Variants in ZC3H12C observed in about 807,000 individuals in gnomAD.
ZC3H12C encodes probable ribonuclease ZC3H12C.
In ZC3H12C, 20 loss-of-function variants were observed where a neutral mutation model predicts 76.3. That is an observed-to-expected ratio of 0.26 (90% CI 0.18 to 0.38). The LOEUF (loss-of-function observed/expected upper bound fraction) is 0.38, where lower values mean the gene tolerates loss of function less well. Among genes scored for constraint, ZC3H12C ranks in the 10% least tolerant of loss-of-function variants. The pLI is 1.00. For synonymous variants in ZC3H12C, 352 were observed against 399.6 expected, an observed-to-expected ratio of 0.88 and a Z score of 1.42; for missense variants, 874 against 1,086.5, an observed-to-expected ratio of 0.80 and a Z score of 2.75.
chr11:110,131,711 A>T (rs1014347266), intron 1 of ZC3H12C: 5 of 152,364 alleles, frequency 3.3e-5, no homozygotes, highest in African/African-American at 9.7e-5. Context: ...TCATTCCAAG[A>T]ACTATTTTCT....
rs751832152 is a variant in ZC3H12C at position 110,165,584 on chromosome 11, G to T, written c.2499G>T (p.Arg833Ser). 1 of 1,611,270 alleles carries T rather than the reference G, an allele frequency of 6.2e-7. No individual in the cohort carries two copies. The highest frequency in any genetic ancestry group is 8.5e-7 in the Non-Finnish European group (1 of 1,178,610). ...PYCGMPQDPPRYQDNREKIYI... is the reference protein window; with the variant it reads ...PYCGMPQDPPSYQDNREKIYI... ...GTGGAATGCCGCAAGATCCCCCGAG[G>T]TATCAAGACAACCGAGAAAAGATTT... The change falls in exon 6 of 6, where the codon AGG becomes AGT. Residue 833 changes from arginine (R) to serine (S), a missense_variant. Physicochemically the swap from Arg to Ser is moderately radical, Grantham distance 110 (BLOSUM62 -1). This residue lies in a region of ZC3H12C where 395 missense variants were observed against 434.4 expected (regional missense o/e 0.91). Coordinates refer to ENST00000278590, the MANE Select transcript of ZC3H12C (RefSeq NM_033390.2).
intron 2 of ZC3H12C, among the ~76,000 whole-genome samples, chr11:110,152,636 T>C (rs1012394787): frequency 2.0e-5 from 3 of 152,232 alleles, no homozygotes; most frequent in African/African-American, 4.8e-5. Context: ...CAAAAACAGC[T>C]TGTGTCTTTC....
chr11:110,102,177 C>T (rs1246453736), intron 1 of ZC3H12C, among the ~76,000 whole-genome samples: 1 of 150,400 alleles, frequency 6.6e-6, no homozygotes, highest in South Asian at 2.1e-4. Flanking sequence ...GTTAAGGTTA[C>T]AGCTGCCGTA....
At position 110,168,203 on chromosome 11, in the gene ZC3H12C, T is replaced by G. The variant is rs1475354968; in HGVS notation, c.*2466T>G. 6.6e-6 allele frequency: 1 copy of G among 152,156 alleles called. No homozygotes were observed. 9.4% of individuals were successfully genotyped at this position (152,156 alleles called of 1,614,324 possible). A position where few individuals can be genotyped will look rare whatever the true frequency, so the allele number is the denominator to read the frequency against. ...GATTTTAAATTATGGGAAAATAGTG[T>G]AGCCAGCTGCCACCTCTACTGAAGT... On this transcript the variant is annotated 3_prime_UTR_variant, in exon 6 of 6. Coordinates refer to ENST00000278590, the MANE Select transcript of ZC3H12C (RefSeq NM_033390.2).
chr11:110,158,481 G>T (rs1430192262), intron 3 of ZC3H12C, among the ~76,000 whole-genome samples: 1 of 151,814 alleles, frequency 6.6e-6, no homozygotes, highest in African/African-American at 2.4e-5. Context: ...CTGCACTCCA[G>T]CCTGGGCGAT....
intron 2 of ZC3H12C, among the ~76,000 whole-genome samples, chr11:110,147,095 G>A (rs1862184976): frequency 6.6e-6 from 1 of 152,166 alleles, no homozygotes; most frequent in South Asian, 2.1e-4. Flanking sequence ...TCCCTTACAA[G>A]AGGGGTTATC....
intron 1 of ZC3H12C, among the ~76,000 whole-genome samples, chr11:110,135,359 A>G (rs1159882568): frequency 1.3e-5 from 2 of 151,844 alleles, no homozygotes; most frequent in African/African-American, 2.4e-5. Flanking sequence ...GCATGGTGGC[A>G]CTCACCTGTA....
At chr11:110,109,936 A>AT (rs1291417655) in intron 1 of ZC3H12C, among the ~76,000 whole-genome samples, 1 of 152,138 alleles carries the variant, frequency 6.6e-6, no homozygotes, top group East Asian at 1.9e-4. Context: ...ATGAGAGTAT[A>AT]TTTCTATTTT....
intron 1 of ZC3H12C, among the ~76,000 whole-genome samples, chr11:110,125,173 A>G (rs1861717047): frequency 6.6e-6 from 1 of 152,194 alleles, no homozygotes; most frequent in South Asian, 2.1e-4. Context: ...GCCAAGCAAT[A>G]CATAAGTTCT....
chr11:110,101,795 A>G (rs551103193), intron 1 of ZC3H12C, among the ~76,000 whole-genome samples: 1 of 151,876 alleles, frequency 6.6e-6, no homozygotes, highest in Non-Finnish European at 1.5e-5. Flanking sequence ...TGTTCCACCC[A>G]CTTTGGCCTC....
Position 110,164,957 on chromosome 11 carries a change from T to C in ZC3H12C, c.1872T>C (p.Ser624=). ...DTDYRISSVA[S]DCSSEGSMSC... ...ATTATAGAATAAGTTCCGTAGCTTC[T>C]GACTGCAGCAGTGAAGGGAGCATGA... Residue 624 remains serine, a synonymous_variant, in exon 6 of 6, where the codon TCT becomes TCC. Coordinates refer to ENST00000278590, the MANE Select transcript of ZC3H12C (RefSeq NM_033390.2). This position sits in a 1 kb window ranked among gnomAD's most constrained non-coding sequence, Gnocchi z 5.7. 1 of 1,614,074 alleles carries C rather than the reference T, an allele frequency of 6.2e-7. No homozygotes were observed. The highest frequency in any genetic ancestry group is 8.5e-7 in the Non-Finnish European group (1 of 1,179,898).
At position 110,152,985 on chromosome 11, in the gene ZC3H12C, A is replaced by C; in HGVS notation, c.840A>C (p.Arg280Ser). 6.2e-7 allele frequency: 1 copy of C among 1,612,208 alleles called. No individual in the cohort carries two copies. The highest frequency in any genetic ancestry group is 8.5e-7 in the Non-Finnish European group (1 of 1,179,084). The change falls in exon 3 of 6, where the codon AGA (arginine) becomes AGC (serine). Residue 280 changes from arginine to serine, a missense_variant. Around this residue, in one of 3 missense-constraint regions of ZC3H12C, gnomAD observed 269 missense variants for 424.9 expected, o/e 0.63. Coordinates refer to ENST00000278590, the MANE Select transcript of ZC3H12C (RefSeq NM_033390.2). ...IKLAVDWFLERGHKDITVFVP... is the reference protein window; with the variant it reads ...IKLAVDWFLESGHKDITVFVP... ...TGGCAGTGGATTGGTTTTTGGAAAGAGGCCACAAAGACATTACAGTTTTTG... is the reference window on the plus strand; with the variant it reads ...TGGCAGTGGATTGGTTTTTGGAAAGCGGCCACAAAGACATTACAGTTTTTG...
At chr11:110,152,603 CT>C (rs1479139151) in intron 2 of ZC3H12C, among the ~76,000 whole-genome samples, 1 of 152,002 alleles carries the variant, frequency 6.6e-6, no homozygotes, top group African/African-American at 2.4e-5. Flanking sequence ...GAAGGAAGCC[CT>C]TTCTGTTTTC....
At chr11:110,141,085 AG>A in intron 2 of ZC3H12C, among the ~76,000 whole-genome samples, 1 of 152,334 alleles carries the variant, frequency 6.6e-6, no homozygotes, top group African/African-American at 2.4e-5. Context: ...TTTGCTTGAG[AG>A]TTTATACTCA....
intron 1 of ZC3H12C, among the ~76,000 whole-genome samples, chr11:110,125,076 TA>T (rs1242511071): frequency 6.6e-6 from 1 of 152,120 alleles, no homozygotes; most frequent in African/African-American, 2.4e-5. Flanking sequence ...TATGAGGTTT[TA>T]AGAATGCACT....
Position 110,165,343 on chromosome 11 carries a change from A to T in ZC3H12C, c.2258A>T (p.Asp753Val). The T allele has an allele frequency of 6.2e-7, 1 of 1,613,752 alleles. No individual in the cohort carries two copies. Among genetic ancestry groups the T allele is most frequent in the Non-Finnish European group, 8.5e-7 (1 of 1,179,828 alleles). Residue 753 changes from aspartate to valine, a missense_variant, in exon 6 of 6, where the codon GAC (aspartate) becomes GTC (valine). Asp to Val is a radical substitution (Grantham distance 152). This residue lies in a region of ZC3H12C where 395 missense variants were observed against 434.4 expected (regional missense o/e 0.91). Coordinates refer to ENST00000278590, the MANE Select transcript of ZC3H12C (RefSeq NM_033390.2). ...GCCACGAGAATAGACAGCATCTCTG[A>T]CTCTCGACTTTATGACAGTTCTCCT... ...LVATRIDSIS[D>V]SRLYDSSPSR...
At chr11:110,098,443 C>T (rs903711355) in intron 1 of ZC3H12C, among the ~76,000 whole-genome samples, 1 of 152,030 alleles carries the variant, frequency 6.6e-6, no homozygotes, top group African/African-American at 2.4e-5. Flanking sequence ...AAAAATTTTT[C>T]GATAAACTTA....
At chr11:110,109,464 T>C (rs1861390086) in intron 1 of ZC3H12C, among the ~76,000 whole-genome samples, 1 of 152,224 alleles carries the variant, frequency 6.6e-6, no homozygotes, top group African/African-American at 2.4e-5. Context: ...TGTTATATAT[T>C]TGTGGAGTTC....
rs1414718496 is a variant in ZC3H12C, at chr11:110,131,299, A to G, written c.22-5364A>G. 3 of 582,530 alleles carry G rather than the reference A, an allele frequency of 5.1e-6. No individual in the cohort carries two copies. The South Asian group carries it at 6.7e-5, about 13-fold the overall frequency. 36.1% of individuals were successfully genotyped at this position (582,530 alleles called of 1,614,324 possible). A position where few individuals can be genotyped will look rare whatever the true frequency, so the allele number is the denominator to read the frequency against. On this transcript the variant is annotated intron_variant, in intron 1 of 5. Coordinates refer to ENST00000278590, the MANE Select transcript of ZC3H12C (RefSeq NM_033390.2). ...GCAGATTTTTACACTTTTCTAGTCT[A>G]GAGTTATATAAATAATTACTTAGAG... is the stretch of plus-strand genomic sequence containing the variant.
Sources: allele counts gnomAD v4.1 joint callset (sites outside exome capture counted in the v4.1 genomes callset), GRCh38; gene constraint gnomAD v4.1.1; regional missense constraint gnomAD v4.1.1; non-coding constraint Gnocchi (gnomAD v3.1); transcripts MANE v1.5; gene names NCBI Gene and HGNC (gene_info 2026-07-23, HGNC 2026-07-21).